The following CROCC2 variants were observed in gnomAD, a reference collection of about 807,000 sequenced individuals.
CROCC2 encodes the protein ciliary rootlet coiled-coil, rootletin family member 2.
CROCC2 carries 163 observed loss-of-function variants against 177.6 expected under a neutral mutation model. That is an observed-to-expected ratio of 0.92 (90% confidence interval 0.81 to 1.05). The LOEUF (loss-of-function observed/expected upper bound fraction) is 1.05. Among genes scored for constraint, CROCC2 ranks in the 50% least tolerant of loss-of-function variants. The pLI is 0.00. For synonymous variants in CROCC2, 904 were observed against 787.3 expected, an observed-to-expected ratio of 1.15 and a Z score of -2.48; for missense variants, 1,929 against 1,797.8, an observed-to-expected ratio of 1.07 and a Z score of -1.32.
chr2:240,955,965 A>G lies in CROCC2; in HGVS notation c.2936A>G (p.Gln979Arg). 2 of 1,534,294 alleles carry G rather than the reference A, an allele frequency of 1.3e-6. No individual in the cohort carries two copies. The highest frequency in any genetic ancestry group is 1.7e-6 in the Non-Finnish European group (2 of 1,146,736). Residue 979 changes from glutamine (Q) to arginine (R), a missense_variant, in exon 19 of 32, where the codon CAA (glutamine) becomes CGA (arginine). Gln to Arg is a conservative substitution (Grantham distance 43). Coordinates refer to ENST00000690015, the MANE Select transcript of CROCC2 (RefSeq NM_001351305.2). ...CAGGAGGCACAGAGCCAGCAGGAGC[A>G]AGCGCAGGTGAGCCCCATGCAGCCA... is the stretch of plus-strand genomic sequence containing the variant. The part of the protein sequence containing the change: ...VQQEAQSQQE[Q>R]AQATISATTE...
chr2:240,959,440 G>A lies in CROCC2; in HGVS notation c.3083G>A (p.Arg1028Lys). Residue 1028 changes from arginine to lysine, a missense_variant, in exon 20 of 32, where the codon AGA becomes AAA. By Grantham distance (26) the Arg-to-Lys change is conservative (BLOSUM62 2). Around this residue, in one of 3 missense-constraint regions of CROCC2, gnomAD observed 1,397 missense variants for 1,239.9 expected, o/e 1.13. Transcript: ENST00000690015. The part of the protein sequence containing the change: ...DLAAERGDVE[R>K]EAERLRAQLT... ...GCGGCTGAGCGGGGCGATGTGGAGA[G>A]AGAGGTGAGAGGCAGGGCTGGGGGG... 6.5e-7 allele frequency: 1 copy of A among 1,550,238 alleles called. No homozygotes were observed. Among genetic ancestry groups the A allele is most frequent in the Non-Finnish European group, 8.7e-7 (1 of 1,146,762 alleles).
rs1553661630 is a variant in CROCC2 at position 240,961,813 on chromosome 2, A to ACG, written c.3088-1742_3088-1741insGC. ...CACGCACTCACACATACACTCACAT[A>ACG]CACTCACACACACGCACGCACACAT... On this transcript the variant is annotated intron_variant, in intron 20 of 31. Coordinates refer to ENST00000690015, the MANE Select transcript of CROCC2 (RefSeq NM_001351305.2). 1.4e-4 allele frequency among the ~76,000 whole-genome samples: 4 copies of ACG among 27,776 alleles called. 1 individual carries two copies. The highest frequency in any genetic ancestry group is 2.7e-4 in the Non-Finnish European group (4 of 14,608). 18.2% of individuals were successfully genotyped at this position (27,776 alleles called of 152,430 possible). A position where few individuals can be genotyped will look rare whatever the true frequency, so the allele number is the denominator to read the frequency against.
chr2:240,955,885 G>A lies in CROCC2; in HGVS notation c.2856G>A (p.Arg952=), dbSNP rs563665047. ...QQALSLKETE[R]SLLSEELSRA... is the part of the protein sequence containing the mutation. ...CCCTGTCCCTGAAAGAAACAGAGCG[G>A]AGCCTTCTGAGTGAGGAGCTCTCCA... The change falls in exon 19 of 32, where the codon CGG becomes CGA. Residue 952 remains arginine, a synonymous_variant. Coordinates refer to ENST00000690015, the MANE Select transcript of CROCC2 (RefSeq NM_001351305.2). The A allele has an allele frequency of 7.1e-4, 1,094 of 1,535,084 alleles. 3 individuals are homozygous for A. The highest frequency in any genetic ancestry group is 2.7e-3 in the Admixed American group (139 of 51,004).
At position 240,932,739 on chromosome 2, in the gene CROCC2, G is replaced by A. The variant is rs1384966168; in HGVS notation, c.1082G>A (p.Gly361Asp). ...QEDARCLELA[G>D]SSITELGEPR... ...GACGCCCGGTGCCTGGAGCTGGCAGGTAGCAGCATCACTGAATTGGGGGAG... is the reference window on the plus strand; with the variant it reads ...GACGCCCGGTGCCTGGAGCTGGCAGATAGCAGCATCACTGAATTGGGGGAG... Residue 361 changes from glycine to aspartate, a missense_variant, in exon 9 of 32, where the codon GGT becomes GAT. Around this residue, in one of 3 missense-constraint regions of CROCC2, gnomAD observed 1,397 missense variants for 1,239.9 expected, o/e 1.13. Transcript: ENST00000690015. 1.0e-5 allele frequency: 10 copies of A among 964,202 alleles called. No homozygotes were observed. In the South Asian group the frequency reaches 1.4e-4, roughly 13 times the overall value. The allele number at this position is 964,202 out of a possible 1,614,324, so 59.7% of individuals were successfully genotyped here.
intron 27 of CROCC2, among the ~76,000 whole-genome samples, chr2:240,974,650 A>G (rs2059747250): frequency 6.6e-6 from 1 of 150,876 alleles, no homozygotes; most frequent in South Asian, 2.1e-4. Context: ...GATTACAGGC[A>G]TGAGCCACCA....
chr2:240,915,421 G>T (rs542742591), intron 1 of CROCC2, among the ~76,000 whole-genome samples: 1 of 152,326 alleles, frequency 6.6e-6, no homozygotes, highest in South Asian at 2.1e-4. Flanking sequence ...GGCCACACGT[G>T]GTCCATCCAC....
At chr2:240,934,293 C>T (rs2059453251) in intron 11 of CROCC2, 38 bp from the exon 12 acceptor site, 3 of 1,542,696 alleles carry the variant, frequency 1.9e-6, no homozygotes, top group Non-Finnish European at 2.6e-6. Flanking sequence ...CCACTGCTCA[C>T]CCTGAGCGAC....
intron 25 of CROCC2, among the ~76,000 whole-genome samples, 187 bp from the exon 26 acceptor site, chr2:240,967,158 G>A (rs2059689249): frequency 6.6e-6 from 1 of 152,046 alleles, no homozygotes; most frequent in South Asian, 2.1e-4. Context: ...GGTCAGCGCA[G>A]CTTCCCAGTG....
chr2:240,934,921 G>A lies in CROCC2; in HGVS notation c.1797G>A (p.Glu599=), dbSNP rs2059458106. ...CATCCCCCTCCCTGCCCCAGGCCGA[G>A]TGCAGCAATGCGGACCTGGAGCTTC... The part of the protein sequence containing the change: ...EGLRSALARA[E]CSNADLELLV... The change falls in exon 13 of 32, where the codon GAG becomes GAA. Residue 599 remains glutamate, a synonymous_variant. Transcript: ENST00000690015. 3 of 1,516,150 alleles carry A rather than the reference G, an allele frequency of 2.0e-6. No homozygotes were observed. Among genetic ancestry groups the A allele is most frequent in the Middle Eastern group, 2.0e-4 (1 of 5,000 alleles). 93.9% of individuals were successfully genotyped at this position (1,516,150 alleles called of 1,614,324 possible).
chr2:240,927,744 G>A (rs1440462470), intron 5 of CROCC2, among the ~76,000 whole-genome samples: 15 of 152,206 alleles, frequency 9.9e-5, no homozygotes, highest in African/African-American at 3.4e-4. Context: ...TCCGCCTCCC[G>A]GGTTCAAACG....
chr2:240,914,717 G>A (rs572929549), intron 1 of CROCC2, among the ~76,000 whole-genome samples: 1 of 152,330 alleles, frequency 6.6e-6, no homozygotes, highest in South Asian at 2.1e-4. Flanking sequence ...GGTGGGCGGG[G>A]GTCCCGATGG....
At chr2:240,948,575 T>C (rs1403585555) in intron 15 of CROCC2, among the ~76,000 whole-genome samples, 3 of 152,236 alleles carry the variant, frequency 2.0e-5, no homozygotes, top group Admixed American at 6.5e-5. Flanking sequence ...GGATCATTGA[T>C]GAATTAACTG....
intron 19 of CROCC2, among the ~76,000 whole-genome samples, chr2:240,957,157 G>A (rs1189022191): frequency 6.6e-6 from 1 of 152,132 alleles, no homozygotes; most frequent in Non-Finnish European, 1.5e-5. Context: ...TTGAGGGCGA[G>A]GCTGATCGCC....
Position 240,918,821 on chromosome 2 carries a change from G to A in CROCC2, c.174G>A (p.Val58=), listed in dbSNP as rs2059336321. ...GCCGGCAGGCCTCGCCCACCCCCGT[G>A]CCCACCCGCATCCGTGAGATCGTGG... ...GEGRQASPTP[V]PTRIREIVAG... Residue 58 remains valine, a synonymous_variant, in exon 2 of 32, where the codon GTG becomes GTA. Coordinates refer to ENST00000690015, the MANE Select transcript of CROCC2 (RefSeq NM_001351305.2). This position sits in a 1 kb window ranked among gnomAD's most constrained non-coding sequence, Gnocchi z 6.3. 1 of 627,204 alleles carries A rather than the reference G, an allele frequency of 1.6e-6. No individual in the cohort carries two copies. The allele number at this position is 627,204 out of a possible 1,614,324, so 38.9% of individuals were successfully genotyped here. A position where few individuals can be genotyped will look rare whatever the true frequency, so the allele number is the denominator to read the frequency against.
rs191387553 is a variant in CROCC2, at chr2:240,918,908, G to C, written c.229+32G>C. 3.0e-6 allele frequency: 2 copies of C among 667,670 alleles called. No homozygotes were observed. The highest frequency in any genetic ancestry group is 5.5e-6 in the Non-Finnish European group (2 of 364,692). The allele number at this position is 667,670 out of a possible 1,614,324, so 41.4% of individuals were successfully genotyped here. ...GTGTGGGGGACAGTCCTGGGCCCGG[G>C]GCTGGCCAAGGTGACGGCGTGGGGG... is the stretch of plus-strand genomic sequence containing the variant. On this transcript the variant is annotated intron_variant, in intron 2 of 31. Coordinates refer to ENST00000690015, the MANE Select transcript of CROCC2 (RefSeq NM_001351305.2). This position sits in a 1 kb window ranked among gnomAD's most constrained non-coding sequence, Gnocchi z 6.3.
chr2:240,937,972 A>G (rs1409738101), intron 14 of CROCC2, among the ~76,000 whole-genome samples: 3 of 152,216 alleles, frequency 2.0e-5, no homozygotes, highest in Non-Finnish European at 2.9e-5. Flanking sequence ...ACCTTCCGCC[A>G]TGATTGTAAG....
intron 5 of CROCC2, among the ~76,000 whole-genome samples, chr2:240,926,563 G>A (rs911338121): frequency 8.5e-5 from 13 of 152,236 alleles, no homozygotes; most frequent in South Asian, 2.1e-4. Flanking sequence ...TGGGCACCAC[G>A]GGCAAGGATT....
intron 12 of CROCC2, 112 bp from the exon 13 acceptor site, chr2:240,934,804 A>G: frequency 8.2e-7 from 1 of 1,218,830 alleles, no homozygotes; most frequent in South Asian, 1.8e-5. Flanking sequence ...ATGTCCGCCC[A>G]AGAGCTCTGG....
chr2:240,921,368 A>T (rs1574748184), intron 3 of CROCC2, among the ~76,000 whole-genome samples: 1 of 152,166 alleles, frequency 6.6e-6, no homozygotes, highest in East Asian at 1.9e-4. Context: ...ACCCCACCTG[A>T]TGGGGGCCCC....
Sources: allele counts gnomAD v4.1 joint callset (sites outside exome capture counted in the v4.1 genomes callset), GRCh38; gene constraint gnomAD v4.1.1; regional missense constraint gnomAD v4.1.1; non-coding constraint Gnocchi (gnomAD v3.1); transcripts MANE v1.5; gene names NCBI Gene and HGNC (gene_info 2026-07-23, HGNC 2026-07-21).